The following SNAP23 variants were observed in gnomAD, a reference collection of about 807,000 sequenced individuals.
SNAP23 encodes synaptosome associated protein 23.
In SNAP23, 11 loss-of-function variants were observed where a neutral mutation model predicts 29.0. The ratio of observed to expected loss-of-function variants is 0.38; its 90% CI spans 0.24 to 0.63. The LOEUF is 0.63. Ranked by LOEUF, SNAP23 falls within the 20% of genes least tolerant of loss-of-function variation. The pLI is 0.58. For synonymous variants in SNAP23, 60 were observed against 82.9 expected, an observed-to-expected ratio of 0.72 and a Z score of 1.50; for missense variants, 220 against 253.9, an observed-to-expected ratio of 0.87 and a Z score of 0.91.
At chr15:42,513,773 T>C (rs2141527775) in intron 4 of SNAP23, among the ~76,000 whole-genome samples, 1 of 152,254 alleles carries the variant, frequency 6.6e-6, no homozygotes, top group South Asian at 2.1e-4. Context: ...ACTATGTTTT[T>C]CTTTTTTTTT....
At position 42,521,621 on chromosome 15, in the gene SNAP23, A is replaced by G. The variant is rs1346133911; in HGVS notation, c.266+6267A>G. ...TGCTTACTAAAAATGAAGATTTAAC[A>G]TCAGAAGCCGGGCTCAGTAACTGAT... On this transcript the variant is annotated intron_variant, in intron 5 of 7. Coordinates refer to ENST00000249647, the MANE Select transcript of SNAP23 (RefSeq NM_003825.4). 4.6e-6 allele frequency: 7 copies of G among 1,527,008 alleles called. No individual in the cohort carries two copies. In the African/African-American group the frequency reaches 5.5e-5, roughly 12 times the overall value. The allele number at this position is 1,527,008 out of a possible 1,614,324, so 94.6% of individuals were successfully genotyped here.
At chr15:42,524,524 G>A (rs2057479345) in intron 5 of SNAP23, among the ~76,000 whole-genome samples, 1 of 152,176 alleles carries the variant, frequency 6.6e-6, no homozygotes, top group Admixed American at 6.5e-5. Flanking sequence ...ATTGTGAACT[G>A]TGCATGTGCG....
chr15:42,530,741 C>A (rs1035958915), intron 7 of SNAP23, among the ~76,000 whole-genome samples: 1 of 152,106 alleles, frequency 6.6e-6, no homozygotes, highest in African/African-American at 2.4e-5. Flanking sequence ...CAGAGTGAGA[C>A]CCTTTCTCAA....
intron 1 of SNAP23, among the ~76,000 whole-genome samples, chr15:42,511,049 G>A (rs764358158): frequency 2.6e-5 from 4 of 152,192 alleles, no homozygotes; most frequent in African/African-American, 4.8e-5. Context: ...ACCTAGATCC[G>A]TTGCACAATG....
At chr15:42,496,838 A>C (rs2057223600) in intron 1 of SNAP23, among the ~76,000 whole-genome samples, 1 of 152,128 alleles carries the variant, frequency 6.6e-6, no homozygotes, top group Non-Finnish European at 1.5e-5. Context: ...TCATGGTGGA[A>C]AGCAAAGGAG....
Position 42,512,057 on chromosome 15 carries a change from C to T in SNAP23, c.57+154C>T, listed in dbSNP as rs2057361619. On this transcript the variant is annotated intron_variant, in intron 2 of 7. Transcript: ENST00000249647. ...TAGTGCCATTGCTGGTTTTTATTTTCTTTTTAACTCACCAGAAAACTAAAG... is the reference window on the plus strand; with the variant it reads ...TAGTGCCATTGCTGGTTTTTATTTTTTTTTTAACTCACCAGAAAACTAAAG... The T allele has an allele frequency of 1.2e-5, 5 of 408,532 alleles. No homozygotes were observed. The Admixed American group carries it at 1.8e-4, about 14-fold the overall frequency. 25.3% of individuals were successfully genotyped at this position (408,532 alleles called of 1,614,324 possible). A position where few individuals can be genotyped will look rare whatever the true frequency, so the allele number is the denominator to read the frequency against.
intron 5 of SNAP23, among the ~76,000 whole-genome samples, chr15:42,518,374 C>T (rs2057415524): frequency 6.6e-6 from 1 of 152,118 alleles, no homozygotes; most frequent in African/African-American, 2.4e-5. Flanking sequence ...CAGTAACAAC[C>T]CAGGTCAGGT....
At chr15:42,504,512 ACT>A (rs2057301920) in intron 1 of SNAP23, among the ~76,000 whole-genome samples, 1 of 152,170 alleles carries the variant, frequency 6.6e-6, no homozygotes, top group African/African-American at 2.4e-5. Context: ...CATAAATGTG[ACT>A]CATATTCAAC....
At chr15:42,520,556 A>G (rs1054434190) in intron 5 of SNAP23, among the ~76,000 whole-genome samples, 4 of 151,700 alleles carry the variant, frequency 2.6e-5, no homozygotes, top group Admixed American at 6.6e-5. Context: ...GTGCAGTGGC[A>G]CGATCTCGGC....
At chr15:42,527,991 C>T in intron 5 of SNAP23, 1 of 336,834 alleles carries the variant, frequency 3.0e-6, no homozygotes, top group Non-Finnish European at 5.5e-6. Context: ...CAAATAGTTG[C>T]CTTTTGCTAC....
Position 42,531,542 on chromosome 15 carries a change from T to C in SNAP23, c.*64T>C, listed in dbSNP as rs1177314035. ...TAGCTCCTCCTTGAAAGTTATTACC[T>C]TTTCAGAGTTTAAGTTTTCGGTTCC... On this transcript the variant is annotated 3_prime_UTR_variant, in exon 8 of 8. Coordinates refer to ENST00000249647, the MANE Select transcript of SNAP23 (RefSeq NM_003825.4). The C allele has an allele frequency of 7.7e-7, 1 of 1,295,366 alleles. No homozygotes were observed. The highest frequency in any genetic ancestry group is 1.1e-6 in the Non-Finnish European group (1 of 918,772). The allele number at this position is 1,295,366 out of a possible 1,614,324, so 80.2% of individuals were successfully genotyped here. A position where few individuals can be genotyped will look rare whatever the true frequency, so the allele number is the denominator to read the frequency against.
intron 1 of SNAP23, among the ~76,000 whole-genome samples, chr15:42,502,137 C>T (rs1315653087): frequency 2.0e-5 from 3 of 151,414 alleles, no homozygotes; most frequent in Non-Finnish European, 4.4e-5. Flanking sequence ...ACGCCATTCT[C>T]CTGCCTCAGC....
intron 5 of SNAP23, among the ~76,000 whole-genome samples, chr15:42,525,751 C>T (rs564791705): frequency 6.6e-6 from 1 of 152,044 alleles, no homozygotes; most frequent in Admixed American, 6.6e-5. Flanking sequence ...TGTGAATCAC[C>T]GCACCCGGCC....
intron 5 of SNAP23, among the ~76,000 whole-genome samples, chr15:42,520,972 C>G (rs1212393309): frequency 1.3e-5 from 2 of 152,222 alleles, no homozygotes; most frequent in African/African-American, 4.8e-5. Context: ...TGTAAAAATT[C>G]AGCTCCGACT....
chr15:42,520,750 T>A (rs1315541260), intron 5 of SNAP23, among the ~76,000 whole-genome samples: 2 of 152,206 alleles, frequency 1.3e-5, no homozygotes, highest in African/African-American at 2.4e-5. Flanking sequence ...CGCCTTGGCC[T>A]CCCAAAGTGT....
At chr15:42,525,986 C>T (rs918314142) in intron 5 of SNAP23, among the ~76,000 whole-genome samples, 1 of 152,068 alleles carries the variant, frequency 6.6e-6, no homozygotes, top group African/African-American at 2.4e-5. Context: ...CATATATATT[C>T]CTTAATAGAC....
rs1349766373 is a variant in SNAP23, at chr15:42,502,020, TTCTC to T, written c.-15+6311_-15+6314del. ...CTTTCCAGGGACGTGAGTGCTTATA[TTCTC>T]TCTTTTTTTTTTTTTTTTTTTGAGA... On this transcript the variant is annotated intron_variant, in intron 1 of 7. Transcript: ENST00000249647. Among the ~76,000 whole-genome samples the T allele has an allele frequency of 3.3e-5, 5 of 151,360 alleles. No homozygotes were observed. In the East Asian group the frequency reaches 5.8e-4, roughly 18 times the overall value.
At chr15:42,527,144 G>A (rs557380912) in intron 5 of SNAP23, among the ~76,000 whole-genome samples, 22 of 151,968 alleles carry the variant, frequency 1.4e-4, no homozygotes, top group South Asian at 6.2e-4. Flanking sequence ...GGCCTTGATC[G>A]TTTTTTTAAA....
chr15:42,497,865 C>T (rs907962885), intron 1 of SNAP23, among the ~76,000 whole-genome samples: 3 of 152,216 alleles, frequency 2.0e-5, no homozygotes, highest in South Asian at 2.1e-4. Context: ...GGTAAATGCT[C>T]CCATTCCAAA....
Sources: allele counts gnomAD v4.1 joint callset (sites outside exome capture counted in the v4.1 genomes callset), GRCh38; gene constraint gnomAD v4.1.1; transcripts MANE v1.5; gene names NCBI Gene and HGNC (gene_info 2026-07-23, HGNC 2026-07-21).